The following SIX4 variants were observed in gnomAD, a reference collection of about 807,000 sequenced individuals.
SIX4 encodes homeobox protein SIX4.
Under a neutral mutation model 51.5 loss-of-function variants are expected in SIX4, and 23 were observed. That is an observed-to-expected ratio of 0.45 (90% CI 0.32 to 0.63). The LOEUF (loss-of-function observed/expected upper bound fraction) is 0.63, where lower values mean the gene tolerates loss of function less well. Among genes scored for constraint, SIX4 ranks in the 30% least tolerant of loss-of-function variants. The pLI is 0.04. For synonymous variants in SIX4, 413 were observed against 417.3 expected, an observed-to-expected ratio of 0.99 and a Z score of 0.13; for missense variants, 867 against 984.0, an observed-to-expected ratio of 0.88 and a Z score of 1.59.
At chr14:60,716,288 T>C (rs1895920036) in intron 2 of SIX4, among the ~76,000 whole-genome samples, 1 of 152,094 alleles carries the variant, frequency 6.6e-6, no homozygotes, top group Non-Finnish European at 1.5e-5. Flanking sequence ...AGTCTCGCTC[T>C]GTCACCCAGG....
chr14:60,723,068 C>G, intron 1 of SIX4, 144 bp downstream of exon 1: 1 of 1,402,892 alleles, frequency 7.1e-7, no homozygotes, highest in Non-Finnish European at 9.2e-7. Flanking sequence ...GGCCGGGGAG[C>G]GAGGTAGGGG....
rs920314577 is a variant in SIX4 at position 60,717,745 on chromosome 14, C to A, written c.1549+2015G>T. ...ATGATAAGAAAAAAATCAGGCCAGG[C>A]GCTGTGGCTCATGCCTGTAATCCCA... On this transcript the variant is annotated intron_variant, in intron 2 of 2. Transcript: ENST00000216513. This position sits in a 1 kb window ranked among gnomAD's most constrained non-coding sequence, Gnocchi z 4.6. 6.6e-6 allele frequency among the ~76,000 whole-genome samples: 1 copy of A among 152,080 alleles called. No individual in the cohort carries two copies. Among genetic ancestry groups the A allele is most frequent in the East Asian group, 1.9e-4 (1 of 5,190 alleles).
In SIX4 at chr14:60,722,493, C is replaced by G. The variant is rs1242831989; in HGVS notation, c.863+719G>C. 6.6e-6 allele frequency among the ~76,000 whole-genome samples: 1 copy of G among 152,156 alleles called. No individual in the cohort carries two copies. Among genetic ancestry groups the G allele is most frequent in the African/African-American group, 2.4e-5 (1 of 41,434 alleles). On this transcript the variant is annotated intron_variant, in intron 1 of 2. Coordinates refer to ENST00000216513, the MANE Select transcript of SIX4 (RefSeq NM_017420.5). The surrounding 1 kb of genome is among the most constrained non-coding windows in gnomAD (Gnocchi z 5.9). ...ACCCCGGCTGCGCTGAAACCCGATCCTAAGGAGTTCAGAATCAGGTTTCAA... is the reference window on the plus strand; with the variant it reads ...ACCCCGGCTGCGCTGAAACCCGATCGTAAGGAGTTCAGAATCAGGTTTCAA...
rs1895818944 is a variant in SIX4 at position 60,711,434 on chromosome 14, CTTGA to C, written c.*1969_*1972del. On this transcript the variant is annotated 3_prime_UTR_variant, in exon 3 of 3. Coordinates refer to ENST00000216513, the MANE Select transcript of SIX4 (RefSeq NM_017420.5). ...TCCTCTATGTCCCTTATTCAACATG[CTTGA>C]TTGATTGACATGTAGAGAACTAGAG... 1 of 151,994 alleles carries C rather than the reference CTTGA, an allele frequency of 6.6e-6. No individual in the cohort carries two copies. The highest frequency in any genetic ancestry group is 6.6e-5 in the Admixed American group (1 of 15,258). 9.4% of individuals were successfully genotyped at this position (151,994 alleles called of 1,614,324 possible). A position where few individuals can be genotyped will look rare whatever the true frequency, so the allele number is the denominator to read the frequency against.
chr14:60,724,046 A>G lies in SIX4; in HGVS notation c.29T>C (p.Ile10Thr), dbSNP rs1896092523. Reference protein sequence around the residue: MSSSSPTGQIASAADIKQEN... With the variant: MSSSSPTGQTASAADIKQEN... ...TTGCTTGATGTCCGCCGCACTTGCG[A>G]TCTGCCCGGTGGGGGAGGAAGAGGA... The change falls in exon 1 of 3, where the codon ATC becomes ACC. Residue 10 changes from isoleucine (I) to threonine (T), a missense_variant. Coordinates refer to ENST00000216513, the MANE Select transcript of SIX4 (RefSeq NM_017420.5). 3 of 1,533,790 alleles carry G rather than the reference A, an allele frequency of 2.0e-6. No individual in the cohort carries two copies. Among genetic ancestry groups the G allele is most frequent in the Non-Finnish European group, 2.6e-6 (3 of 1,139,786 alleles).
rs1896053051 is a variant in SIX4 at position 60,722,975 on chromosome 14, G to A, written c.863+237C>T. 1 of 743,042 alleles carries A rather than the reference G, an allele frequency of 1.3e-6. No homozygotes were observed. The highest frequency in any genetic ancestry group is 2.2e-5 in the South Asian group (1 of 44,762). The allele number at this position is 743,042 out of a possible 1,614,324, so 46.0% of individuals were successfully genotyped here. A position where few individuals can be genotyped will look rare whatever the true frequency, so the allele number is the denominator to read the frequency against. ...GGCGGGGACTGAGACCTAGGCGGGCGACCAGAAACTTCTGGGGGGAGAGGG... is the reference window on the plus strand; with the variant it reads ...GGCGGGGACTGAGACCTAGGCGGGCAACCAGAAACTTCTGGGGGGAGAGGG... On this transcript the variant is annotated intron_variant, in intron 1 of 2. Transcript: ENST00000216513. This position sits in a 1 kb window ranked among gnomAD's most constrained non-coding sequence, Gnocchi z 5.9.
chr14:60,723,055 GCCGGC>G, intron 1 of SIX4, 152 bp downstream of exon 1: 2 of 1,412,762 alleles, frequency 1.4e-6, no homozygotes, highest in Non-Finnish European at 1.8e-6. Flanking sequence ...CCCTACCTCT[GCCGGC>G]CGGGGAGCGA....
Position 60,723,406 on chromosome 14 carries a change from G to C in SIX4, c.669C>G (p.Gly223=). Residue 223 remains glycine (G), a synonymous_variant, in exon 1 of 3, where the codon GGC becomes GGG. Coordinates refer to ENST00000216513, the MANE Select transcript of SIX4 (RefSeq NM_017420.5). Reference sequence around the variant, plus strand: ...CCTTGAAACAATACACCGTCTCCTCGCCGTCCCAGATGGTGCGGGGCAGGG... The same window carrying C: ...CCTTGAAACAATACACCGTCTCCTCCCCGTCCCAGATGGTGCGGGGCAGGG... The part of the protein sequence containing the change: ...KFPLPRTIWD[G]EETVYCFKEK... The C allele has an allele frequency of 6.2e-7, 1 of 1,611,512 alleles. No individual in the cohort carries two copies. Among genetic ancestry groups the C allele is most frequent in the Non-Finnish European group, 8.5e-7 (1 of 1,179,936 alleles).
chr14:60,720,368 C>T lies in SIX4; in HGVS notation c.941G>A (p.Ser314Asn). 1 of 1,614,138 alleles carries T rather than the reference C, an allele frequency of 6.2e-7. No individual in the cohort carries two copies. The highest frequency in any genetic ancestry group is 8.5e-7 in the Non-Finnish European group (1 of 1,180,022). ...HEDLSPHPLS[S>N]SSDGITNLSL... ...GAGGTTGGTGATGCCATCAGATGAACTGGAGAGTGGGTGAGGAGATAAATC... is the reference window on the plus strand; with the variant it reads ...GAGGTTGGTGATGCCATCAGATGAATTGGAGAGTGGGTGAGGAGATAAATC... Residue 314 changes from serine (S) to asparagine (N), a missense_variant, in exon 2 of 3, where the codon AGT becomes AAT. Coordinates refer to ENST00000216513, the MANE Select transcript of SIX4 (RefSeq NM_017420.5). The surrounding 1 kb of genome is among the most constrained non-coding windows in gnomAD (Gnocchi z 5.5).
chr14:60,723,591 A>G lies in SIX4; in HGVS notation c.484T>C (p.Tyr162His), dbSNP rs1896077771. The change falls in exon 1 of 3, where the codon TAC becomes CAC. Residue 162 changes from tyrosine to histidine, a missense_variant. Tyr to His is a moderately conservative substitution (Grantham distance 83). Transcript: ENST00000216513. The part of the protein sequence containing the change: ...RALVAFHQGI[Y>H]PELYSILESH... Reference sequence around the variant, plus strand: ...TCGAGGATGCTGTAGAGCTCGGGGTAGATGCCCTGGTGGAAGGCCACGAGC... The same window carrying G: ...TCGAGGATGCTGTAGAGCTCGGGGTGGATGCCCTGGTGGAAGGCCACGAGC... The G allele has an allele frequency of 6.2e-7, 1 of 1,611,050 alleles. No homozygotes were observed. The highest frequency in any genetic ancestry group is 1.7e-5 in the Admixed American group (1 of 59,806).
rs1895999208 is a variant in SIX4, at chr14:60,720,323, T to C, written c.986A>G (p.Glu329Gly). The stretch of plus-strand genomic sequence containing the variant: ...TCCAATTTGTTGCATATATACTGGC[T>C]CCATATGACTGGAAAGGCTGAGGTT... ...ITNLSLSSHM[E>G]PVYMQQIGNA... is the part of the protein sequence containing the mutation. The change falls in exon 2 of 3, where the codon GAG (glutamate) becomes GGG (glycine). Residue 329 changes from glutamate to glycine, a missense_variant. Coordinates refer to ENST00000216513, the MANE Select transcript of SIX4 (RefSeq NM_017420.5). The surrounding 1 kb of genome is among the most constrained non-coding windows in gnomAD (Gnocchi z 5.5). 1 of 1,614,196 alleles carries C rather than the reference T, an allele frequency of 6.2e-7. No homozygotes were observed.
At chr14:60,716,770 A>G (rs907493157) in intron 2 of SIX4, among the ~76,000 whole-genome samples, 4 of 152,206 alleles carry the variant, frequency 2.6e-5, no homozygotes, top group African/African-American at 9.6e-5. Flanking sequence ...AAGTATTAGA[A>G]TATTGTGATT....
chr14:60,722,186 C>CGAG lies in SIX4; in HGVS notation c.863+1025_863+1026insCTC, dbSNP rs1263531765. ...TGGAGACACCAGGTCTTTAGGCGAC[C>CGAG]TTCTCCTTACTTTGTTTCGTCCAAC... On this transcript the variant is annotated intron_variant, in intron 1 of 2. Coordinates refer to ENST00000216513, the MANE Select transcript of SIX4 (RefSeq NM_017420.5). The surrounding 1 kb of genome is among the most constrained non-coding windows in gnomAD (Gnocchi z 5.9). Among the ~76,000 whole-genome samples, 1 of 152,220 alleles carries CGAG rather than the reference C, an allele frequency of 6.6e-6. No homozygotes were observed. Among genetic ancestry groups the CGAG allele is most frequent in the Non-Finnish European group, 1.5e-5 (1 of 68,042 alleles).
rs1420151045 is a variant in SIX4, at chr14:60,722,526, CAG to C, written c.863+684_863+685del. Among the ~76,000 whole-genome samples the C allele has an allele frequency of 6.6e-6, 1 of 152,196 alleles. No homozygotes were observed. The highest frequency in any genetic ancestry group is 2.4e-5 in the African/African-American group (1 of 41,456). Reference sequence around the variant, plus strand: ...TTCAGAATCAGGTTTCAAAACATGACAGAGCCGAGCTGCACCAGCACCCCACG... The same window carrying C: ...TTCAGAATCAGGTTTCAAAACATGACAGCCGAGCTGCACCAGCACCCCACG... On this transcript the variant is annotated intron_variant, in intron 1 of 2. Transcript: ENST00000216513. This position sits in a 1 kb window ranked among gnomAD's most constrained non-coding sequence, Gnocchi z 5.9.
Position 60,713,592 on chromosome 14 carries a change from T to C in SIX4, c.2161A>G (p.Met721Val). ...HRLVLQSVAN[M>V]KENFLSNSES... ...GAATTTGATAAGAAATTCTCTTTCA[T>C]GTTAGCTACCGATTGCAGAACCAAA... The change falls in exon 3 of 3, where the codon ATG (methionine) becomes GTG (valine). Residue 721 changes from methionine to valine, a missense_variant. Coordinates refer to ENST00000216513, the MANE Select transcript of SIX4 (RefSeq NM_017420.5). The C allele has an allele frequency of 6.2e-7, 1 of 1,614,248 alleles. No homozygotes were observed. Among genetic ancestry groups the C allele is most frequent in the Non-Finnish European group, 8.5e-7 (1 of 1,180,046 alleles).
Position 60,720,034 on chromosome 14 carries a change from C to G in SIX4, c.1275G>C (p.Gln425His). 6.2e-7 allele frequency: 1 copy of G among 1,614,208 alleles called. No homozygotes were observed. The highest frequency in any genetic ancestry group is 8.5e-7 in the Non-Finnish European group (1 of 1,180,038). Residue 425 changes from glutamine (Q) to histidine (H), a missense_variant, in exon 2 of 3, where the codon CAG (glutamine) becomes CAC (histidine). Coordinates refer to ENST00000216513, the MANE Select transcript of SIX4 (RefSeq NM_017420.5). The surrounding 1 kb of genome is among the most constrained non-coding windows in gnomAD (Gnocchi z 5.5). ...SQDVKEFKVL[Q>H]SSANSATTTS... The stretch of plus-strand genomic sequence containing the variant: ...TGGTGGTTGCTGAGTTAGCAGAACT[C>G]TGGAGGACTTTGAATTCCTTCACGT...
rs1008575904 is a variant in SIX4, at chr14:60,723,128, A to C, written c.863+84T>G. ...CAGGCTGGTGGGGAAGGTAAGCGCC[A>C]TGTTTGCGAGCACTTGGAGGAAAAG... On this transcript the variant is annotated intron_variant, in intron 1 of 2. Coordinates refer to ENST00000216513, the MANE Select transcript of SIX4 (RefSeq NM_017420.5). 2.8e-6 allele frequency: 4 copies of C among 1,429,216 alleles called. No individual in the cohort carries two copies. In the African/African-American group the frequency reaches 4.7e-5, roughly 17 times the overall value. 88.5% of individuals were successfully genotyped at this position (1,429,216 alleles called of 1,614,324 possible).
In SIX4 at chr14:60,720,903, T is replaced by G. The variant is rs891707515; in HGVS notation, c.864-458A>C. On this transcript the variant is annotated intron_variant, in intron 1 of 2. Transcript: ENST00000216513. The surrounding 1 kb of genome is among the most constrained non-coding windows in gnomAD (Gnocchi z 5.5). ...GTGTTATCTTGGAGGTAAATGAAGCTGCCAAAGGAGCAGGAGGTAGGAAGT... is the reference window on the plus strand; with the variant it reads ...GTGTTATCTTGGAGGTAAATGAAGCGGCCAAAGGAGCAGGAGGTAGGAAGT... 8 of 939,166 alleles carry G rather than the reference T, an allele frequency of 8.5e-6. No individual in the cohort carries two copies. Among genetic ancestry groups the G allele is most frequent in the African/African-American group, 1.8e-5 (1 of 56,282 alleles). 58.2% of individuals were successfully genotyped at this position (939,166 alleles called of 1,614,324 possible).
In SIX4 at chr14:60,713,332, A is replaced by G; in HGVS notation, c.*75T>C. Reference sequence around the variant, plus strand: ...CTAGAGTGTTTTCCTTTAAATGGGAAAATGTTTTGTGTCCTTGGGGCTTCA... The same window carrying G: ...CTAGAGTGTTTTCCTTTAAATGGGAGAATGTTTTGTGTCCTTGGGGCTTCA... On this transcript the variant is annotated 3_prime_UTR_variant, in exon 3 of 3. Transcript: ENST00000216513. 1 of 1,473,194 alleles carries G rather than the reference A, an allele frequency of 6.8e-7. No homozygotes were observed. Among genetic ancestry groups the G allele is most frequent in the Non-Finnish European group, 9.1e-7 (1 of 1,100,030 alleles). The allele number at this position is 1,473,194 out of a possible 1,614,324, so 91.3% of individuals were successfully genotyped here.
Sources: allele counts gnomAD v4.1 joint callset (sites outside exome capture counted in the v4.1 genomes callset), GRCh38; gene constraint gnomAD v4.1.1; non-coding constraint Gnocchi (gnomAD v3.1); transcripts MANE v1.5; gene names NCBI Gene and HGNC (gene_info 2026-07-23, HGNC 2026-07-21).